Variants in ADCY8 observed in about 807,000 individuals in gnomAD.
ADCY8 encodes adenylate cyclase type 8.
In ADCY8, 51 loss-of-function variants were observed where a neutral mutation model predicts 119.7. That is an observed-to-expected ratio of 0.43 (90% CI 0.34 to 0.54). The LOEUF (loss-of-function observed/expected upper bound fraction) is 0.54, where lower values mean the gene tolerates loss of function less well. Among genes scored for constraint, ADCY8 ranks in the 20% least tolerant of loss-of-function variants. The probability of loss-of-function intolerance (pLI) is 0.03; values close to 1 mark genes in which losing one functional copy is unlikely to be tolerated. For missense variants in ADCY8, 1,383 were observed against 1,598.8 expected (o/e 0.87, Z 2.30); for synonymous variants, 665 against 651.0 (o/e 1.02, Z -0.33).
At chr8:130,917,892 C>T (rs1213780894) in intron 5 of ADCY8, among the ~76,000 whole-genome samples, 8 of 151,920 alleles carry the variant, frequency 5.3e-5, no homozygotes, top group Non-Finnish European at 1.0e-4. Flanking sequence ...TCCAACGTGC[C>T]CTCTGTCCTA....
At chr8:130,878,151 C>A (rs1470259754) in intron 8 of ADCY8, among the ~76,000 whole-genome samples, 1 of 152,184 alleles carries the variant, frequency 6.6e-6, no homozygotes, top group Non-Finnish European at 1.5e-5. Context: ...ATCACCCAAC[C>A]GGTAACTGGT....
At chr8:130,872,513 T>A (rs17326441) in intron 8 of ADCY8, among the ~76,000 whole-genome samples, 53,887 of 152,098 alleles carry the variant, frequency 0.35, 10,273 homozygotes, top group East Asian at 0.56. Flanking sequence ...ATGCAATTTA[T>A]GATATACAGA....
intron 6 of ADCY8, among the ~76,000 whole-genome samples, chr8:130,906,950 T>C: frequency 6.6e-6 from 1 of 152,042 alleles, no homozygotes; most frequent in African/African-American, 2.4e-5. Context: ...AAGTACATAT[T>C]TGGCCCCAAA....
At chr8:130,871,223 TTTA>T (rs1305801777) in intron 8 of ADCY8, among the ~76,000 whole-genome samples, 1 of 152,232 alleles carries the variant, frequency 6.6e-6, no homozygotes, top group African/African-American at 2.4e-5. Context: ...GGCTCATAGC[TTTA>T]TTAAGTTAGT....
At chr8:130,964,789 G>A (rs1172772489) in intron 2 of ADCY8, among the ~76,000 whole-genome samples, 8 of 152,146 alleles carry the variant, frequency 5.3e-5, no homozygotes, top group Admixed American at 5.2e-4. Context: ...AACAATCTAT[G>A]ACAATATATG....
intron 2 of ADCY8, among the ~76,000 whole-genome samples, chr8:130,985,036 T>C (rs982890837): frequency 6.6e-6 from 1 of 151,778 alleles, no homozygotes; most frequent in Non-Finnish European, 1.5e-5. Context: ...CCTTTAAGTG[T>C]TTGGAGGAGG....
At chr8:130,900,289 G>T (rs986135757) in intron 7 of ADCY8, among the ~76,000 whole-genome samples, 2 of 152,184 alleles carry the variant, frequency 1.3e-5, no homozygotes, top group African/African-American at 4.8e-5. Flanking sequence ...TGGTCAGGCA[G>T]ACAGAAACTG....
At chr8:130,893,414 C>A (rs907704103) in intron 7 of ADCY8, among the ~76,000 whole-genome samples, 1 of 152,056 alleles carries the variant, frequency 6.6e-6, no homozygotes, top group Non-Finnish European at 1.5e-5. Flanking sequence ...GTTCATAGGG[C>A]CACAGGGTAG....
chr8:131,021,403 GA>G (rs959869460), intron 1 of ADCY8, among the ~76,000 whole-genome samples: 2 of 151,974 alleles, frequency 1.3e-5, no homozygotes, highest in African/African-American at 4.8e-5. Flanking sequence ...TAGGGTGGGT[GA>G]AAAAAATGTG....
At chr8:130,968,179 T>G (rs1821818653) in intron 2 of ADCY8, among the ~76,000 whole-genome samples, 1 of 151,990 alleles carries the variant, frequency 6.6e-6, no homozygotes, top group South Asian at 2.1e-4. Context: ...TTCTGCTTTT[T>G]TTTTTTTTTG....
chr8:131,034,603 A>G (rs113306654), intron 1 of ADCY8, among the ~76,000 whole-genome samples: 2,100 of 152,216 alleles, frequency 0.014, 32 homozygotes, highest in African/African-American at 0.029. Flanking sequence ...TAGGAAAGAA[A>G]ATGTTGCATG....
intron 4 of ADCY8, among the ~76,000 whole-genome samples, chr8:130,938,190 C>A (rs539992579): frequency 2.0e-5 from 3 of 152,086 alleles, no homozygotes; most frequent in African/African-American, 4.8e-5. Context: ...ACTACCTAAC[C>A]TCTGGCCTTC....
chr8:131,028,548 G>GA (rs375330238), intron 1 of ADCY8, among the ~76,000 whole-genome samples: 8,187 of 141,802 alleles, frequency 0.058, 768 homozygotes, highest in African/African-American at 0.19. Context: ...CTAATTAGCA[G>GA]AAAAAAAAAA....
intron 12 of ADCY8, among the ~76,000 whole-genome samples, chr8:130,835,242 G>T (rs1816949882): frequency 1.3e-5 from 2 of 152,134 alleles, no homozygotes; most frequent in South Asian, 4.2e-4. Context: ...GCTGTGAAAG[G>T]GTCCAAGTGA....
intron 5 of ADCY8, among the ~76,000 whole-genome samples, chr8:130,918,060 C>T (rs1299368581): frequency 6.6e-6 from 1 of 152,138 alleles, no homozygotes; most frequent in African/African-American, 2.4e-5. Context: ...GGAGTTATTA[C>T]AATTTTCAAG....
chr8:130,960,226 G>A (rs1821557589), intron 2 of ADCY8, among the ~76,000 whole-genome samples: 1 of 152,080 alleles, frequency 6.6e-6, no homozygotes, highest in South Asian at 2.1e-4. Flanking sequence ...ACTTGTAAAG[G>A]ATGGAACCTT....
Position 130,961,497 on chromosome 8 carries a change from A to C in ADCY8, c.1111-9499T>G, listed in dbSNP as rs545315543. 3.3e-5 allele frequency among the ~76,000 whole-genome samples: 5 copies of C among 152,090 alleles called. No individual in the cohort carries two copies. In the East Asian group the frequency reaches 7.8e-4, roughly 24 times the overall value. ...TATGAGTCTTCATAAATCTCTCCCC[A>C]GTTGTTCACAGCTCCGAATCATCCT... is the stretch of plus-strand genomic sequence containing the variant. On this transcript the variant is annotated intron_variant, in intron 2 of 17. Coordinates refer to ENST00000286355, the MANE Select transcript of ADCY8 (RefSeq NM_001115.3).
chr8:130,820,823 C>A (rs535607339), intron 13 of ADCY8, among the ~76,000 whole-genome samples: 1 of 152,170 alleles, frequency 6.6e-6, no homozygotes, highest in Non-Finnish European at 1.5e-5. Flanking sequence ...CAAGTCAGTG[C>A]ACAAAATTCT....
chr8:130,938,130 G>C (rs1180674133), intron 4 of ADCY8, among the ~76,000 whole-genome samples: 1 of 152,156 alleles, frequency 6.6e-6, no homozygotes, highest in Non-Finnish European at 1.5e-5. Flanking sequence ...ACACTGCACA[G>C]GATCAAATCT....
Sources: allele counts gnomAD v4.1 joint callset (sites outside exome capture counted in the v4.1 genomes callset), GRCh38; gene constraint gnomAD v4.1.1; transcripts MANE v1.5; gene names NCBI Gene and HGNC (gene_info 2026-07-23, HGNC 2026-07-21).